Variants in CUX1 observed in about 807,000 individuals in gnomAD.
The protein encoded by CUX1 is cut like homeobox 1.
In CUX1, 31 loss-of-function variants were observed where a neutral mutation model predicts 158.8. That is an observed-to-expected ratio of 0.20 (90% CI 0.15 to 0.26). The LOEUF (loss-of-function observed/expected upper bound fraction) is 0.26, where lower values mean the gene tolerates loss of function less well. Among genes scored for constraint, CUX1 ranks in the 10% least tolerant of loss-of-function variants. The pLI is 1.00. For synonymous variants in CUX1, 879 were observed against 862.1 expected (o/e 1.02, Z -0.34); for missense variants, 1,589 against 2,014.6 (o/e 0.79, Z 4.04).
intron 2 of CUX1, among the ~76,000 whole-genome samples, chr7:101,949,195 G>A (rs184521225): frequency 5.9e-5 from 9 of 151,822 alleles, no homozygotes; most frequent in African/African-American, 2.2e-4. Context: ...GCAGTAGTGC[G>A]ATCTCAGCTC....
chr7:101,841,919 C>T (rs1021849762), intron 1 of CUX1, among the ~76,000 whole-genome samples: 1 of 152,188 alleles, frequency 6.6e-6, no homozygotes, highest in Admixed American at 6.6e-5. Flanking sequence ...CTATTCAAAA[C>T]TGTAACATTT....
chr7:101,932,815 G>A lies in CUX1; in HGVS notation c.141+16590G>A, dbSNP rs1032329214. 1.1e-4 allele frequency among the ~76,000 whole-genome samples: 16 copies of A among 152,286 alleles called. No individual in the cohort carries two copies. The South Asian group carries it at 3.1e-3, about 30-fold the overall frequency. On this transcript the variant is annotated intron_variant, in intron 2 of 23. Coordinates refer to ENST00000292535, the MANE Select transcript of CUX1 (RefSeq NM_181552.4). The stretch of plus-strand genomic sequence containing the variant: ...AAAGTGATGTGTGAATAGAAATAAA[G>A]AAATTAAAGTAAAAAACAGGATCAG...
rs1472860960 is a variant in CUX1 at position 102,257,075 on chromosome 7, GTTGCCAA to G, written c.*8035_*8041del. On this transcript the variant is annotated 3_prime_UTR_variant, in exon 24 of 24. Transcript: ENST00000292535. ...AGCTCAGCCAGCAGGACACCCAGTT[GTTGCCAA>G]TCAGGTGTGAAGGTGAGGCGCCCTG... is the stretch of plus-strand genomic sequence containing the variant. 87 of 985,398 alleles carry G rather than the reference GTTGCCAA, an allele frequency of 8.8e-5. No individual in the cohort carries two copies. The highest frequency in any genetic ancestry group is 1.0e-4 in the Non-Finnish European group (85 of 829,980). 61.0% of individuals were successfully genotyped at this position (985,398 alleles called of 1,614,324 possible). A position where few individuals can be genotyped will look rare whatever the true frequency, so the allele number is the denominator to read the frequency against.
At chr7:102,064,849 C>G (rs994577518) in intron 3 of CUX1, among the ~76,000 whole-genome samples, 3 of 152,326 alleles carry the variant, frequency 2.0e-5, no homozygotes, top group East Asian at 3.9e-4. Context: ...CCTCTAGACT[C>G]AGAACAGCCC....
At chr7:101,923,040 C>T (rs761283978) in intron 2 of CUX1, among the ~76,000 whole-genome samples, 31 of 152,342 alleles carry the variant, frequency 2.0e-4, no homozygotes, top group South Asian at 2.1e-4. Context: ...CGATTTCCCG[C>T]GTGTGTGATT....
intron 3 of CUX1, among the ~76,000 whole-genome samples, chr7:102,039,250 C>T (rs1452032460): frequency 1.3e-5 from 2 of 152,136 alleles, no homozygotes; most frequent in East Asian, 1.9e-4. Flanking sequence ...GATTCCAAGT[C>T]ACACAGGTCA....
rs1252540397 is a variant in CUX1 at position 102,033,031 on chromosome 7, T to C, written c.189+4886T>C. ...AAGGTTGAGGGGATGAGGGGCTGGCTCAGAGAACCTCTTGGTAGTGGGGGA... is the reference window on the plus strand; with the variant it reads ...AAGGTTGAGGGGATGAGGGGCTGGCCCAGAGAACCTCTTGGTAGTGGGGGA... On this transcript the variant is annotated intron_variant, in intron 3 of 23. Transcript: ENST00000292535. 7.2e-5 allele frequency among the ~76,000 whole-genome samples: 11 copies of C among 152,318 alleles called. No individual in the cohort carries two copies. The South Asian group carries it at 1.9e-3, about 26-fold the overall frequency.
At chr7:102,068,875 G>A (rs1251312153) in intron 3 of CUX1, among the ~76,000 whole-genome samples, 1 of 152,192 alleles carries the variant, frequency 6.6e-6, no homozygotes, top group African/African-American at 2.4e-5. Flanking sequence ...ATTCTAACAA[G>A]TCAGTCCAAC....
At chr7:102,236,220 CT>C (rs1476493320) in intron 22 of CUX1, among the ~76,000 whole-genome samples, 1 of 152,190 alleles carries the variant, frequency 6.6e-6, no homozygotes, top group Non-Finnish European at 1.5e-5. Context: ...AGCTGCCCCC[CT>C]GGGATGACCC....
intron 3 of CUX1, among the ~76,000 whole-genome samples, chr7:102,053,860 C>T (rs1273699035): frequency 2.8e-5 from 4 of 143,904 alleles, no homozygotes; most frequent in African/African-American, 1.0e-4. Context: ...AGGGTGGCTG[C>T]AGTGTCACGA....
At chr7:101,928,451 A>G (rs1262366608) in intron 2 of CUX1, among the ~76,000 whole-genome samples, 1 of 149,478 alleles carries the variant, frequency 6.7e-6, no homozygotes, top group Non-Finnish European at 1.5e-5. Flanking sequence ...GCTCACTGCA[A>G]CCTCTGCCTC....
chr7:101,977,005 C>G (rs1021472721), intron 2 of CUX1, among the ~76,000 whole-genome samples: 2 of 148,130 alleles, frequency 1.4e-5, no homozygotes, highest in East Asian at 2.0e-4. Flanking sequence ...CTCCACCTCC[C>G]AGGTTCAAGC....
chr7:102,218,517 C>T (rs782803009), intron 20 of CUX1, among the ~76,000 whole-genome samples: 7 of 151,900 alleles, frequency 4.6e-5, no homozygotes, highest in Non-Finnish European at 7.4e-5. Flanking sequence ...GACCCTATCT[C>T]GACAAATAAT....
At chr7:101,872,168 C>G (rs1180269320) in intron 1 of CUX1, among the ~76,000 whole-genome samples, 1 of 152,136 alleles carries the variant, frequency 6.6e-6, no homozygotes, top group Non-Finnish European at 1.5e-5. Flanking sequence ...GAGTCTCTCT[C>G]TGTTGCCCAG....
chr7:102,274,436 C>T (rs1586521645), intron 16 of CUX1: 1 of 734,270 alleles, frequency 1.4e-6, no homozygotes, highest in South Asian at 1.7e-5. Context: ...CCCACGCCTG[C>T]AATGCAGCAG....
In CUX1 at chr7:102,080,307, C is replaced by T. The variant is rs115357110; in HGVS notation, c.268+9890C>T. The stretch of plus-strand genomic sequence containing the variant: ...CATGACCGGGGTGGTCCTGGCACGC[C>T]GGGTATCTAGACAGCTTTTCATCAG... On this transcript the variant is annotated intron_variant, in intron 4 of 23. Transcript: ENST00000292535. Among the ~76,000 whole-genome samples the T allele has an allele frequency of 6.0e-3, 913 of 152,252 alleles. 9 individuals are homozygous for T. Among genetic ancestry groups the T allele is most frequent in the African/African-American group, 0.021 (873 of 41,542 alleles).
intron 1 of CUX1, among the ~76,000 whole-genome samples, chr7:101,894,227 T>G (rs1159893816): frequency 1.3e-5 from 2 of 152,276 alleles, no homozygotes; most frequent in Admixed American, 6.5e-5. Context: ...GGGACTATTA[T>G]AATTCCTCAG....
chr7:101,834,165 C>CTTTTTTTTT lies in CUX1; in HGVS notation c.30+16514_30+16522dup, dbSNP rs575992276. 3.1e-4 allele frequency among the ~76,000 whole-genome samples: 22 copies of CTTTTTTTTT among 71,080 alleles called. 3 individuals carry two copies. The highest frequency in any genetic ancestry group is 4.1e-4 in the Non-Finnish European group (15 of 36,238). 46.6% of individuals were successfully genotyped at this position (71,080 alleles called of 152,430 possible). On this transcript the variant is annotated intron_variant, in intron 1 of 23. Coordinates refer to ENST00000292535, the MANE Select transcript of CUX1 (RefSeq NM_181552.4). ...TATTTATTTGAAAAGCTGATTGTTT[C>CTTTTTTTTT]TTTTTTTTTTTTTTTTTTTTTTTTT...
rs1584854425 is a variant in CUX1 at position 101,877,620 on chromosome 7, G to A, written c.31-38495G>A. Reference sequence around the variant, plus strand: ...GAGAATCGCTTGAGCCCAGGAGGTGGAGGTTTCAGTGAGCCGAGACCGTCC... The same window carrying A: ...GAGAATCGCTTGAGCCCAGGAGGTGAAGGTTTCAGTGAGCCGAGACCGTCC... On this transcript the variant is annotated intron_variant, in intron 1 of 23. Coordinates refer to ENST00000292535, the MANE Select transcript of CUX1 (RefSeq NM_181552.4). Among the ~76,000 whole-genome samples, 9 of 152,304 alleles carry A rather than the reference G, an allele frequency of 5.9e-5. No individual in the cohort carries two copies. The South Asian group carries it at 1.9e-3, about 32-fold the overall frequency.
Sources: gnomAD v4.1 joint callset for allele counts (sites outside exome capture counted in the v4.1 genomes callset) on GRCh38, gnomAD v4.1.1 for gene constraint, MANE v1.5 for transcripts, NCBI Gene and HGNC (gene_info 2026-07-23, HGNC 2026-07-21) for gene names.